The following BCL2L1 variants were observed in gnomAD, a reference collection of about 807,000 sequenced individuals.
The protein encoded by BCL2L1 is BCL2 like 1.
BCL2L1 carries 1 observed loss-of-function variant against 18.7 expected under a neutral mutation model. The observed-to-expected ratio is 0.05, with a 90% confidence interval of 0.02 to 0.25. BCL2L1 has a LOEUF of 0.25. Among genes scored for constraint, BCL2L1 ranks in the 10% least tolerant of loss-of-function variants. BCL2L1 has a pLI of 1.00. For synonymous variants in BCL2L1, 103 were observed against 122.7 expected (o/e 0.84, Z 1.06); for missense variants, 207 against 304.9 (o/e 0.68, Z 2.39).
intron 2 of BCL2L1, among the ~76,000 whole-genome samples, chr20:31,701,021 G>T (rs1003884214): frequency 1.3e-5 from 2 of 152,160 alleles, no homozygotes; most frequent in Admixed American, 6.6e-5. Flanking sequence ...ACTATTAGGT[G>T]CAGTCTGGGA....
intron 2 of BCL2L1, among the ~76,000 whole-genome samples, chr20:31,689,742 G>A (rs1212915695): frequency 2.0e-5 from 3 of 152,240 alleles, no homozygotes; most frequent in Admixed American, 6.5e-5. Flanking sequence ...TCTGCCAGGC[G>A]CGGTGGCGCA....
intron 2 of BCL2L1, among the ~76,000 whole-genome samples, chr20:31,667,484 CGTGTGT>C (rs3073682): frequency 1.5e-5 from 2 of 135,260 alleles, no homozygotes; most frequent in Non-Finnish European, 3.1e-5. Context: ...ACCATAGTAC[CGTGTGT>C]GTGTGTGTGT....
chr20:31,681,463 C>CA (rs2060859621), intron 2 of BCL2L1, among the ~76,000 whole-genome samples: 1 of 152,108 alleles, frequency 6.6e-6, no homozygotes, highest in African/African-American at 2.4e-5. Flanking sequence ...GTCTGGGCAA[C>CA]ATGGGAAAAT....
At chr20:31,723,212 T>C (rs962076131), upstream of BCL2L1, 53 of 911,250 alleles carry the variant, frequency 5.8e-5, no homozygotes, top group Admixed American at 1.2e-3. Context: ...CAAATGCCGC[T>C]GGTTTGCTCT....
chr20:31,679,011 A>T (rs915940247), intron 2 of BCL2L1, among the ~76,000 whole-genome samples: 1 of 152,192 alleles, frequency 6.6e-6, no homozygotes, highest in Non-Finnish European at 1.5e-5. Flanking sequence ...GAACTGGGAA[A>T]CAAAACCCAC....
intron 2 of BCL2L1, among the ~76,000 whole-genome samples, chr20:31,694,715 T>G (rs1258282866): frequency 6.6e-6 from 1 of 152,138 alleles, no homozygotes; most frequent in African/African-American, 2.4e-5. Context: ...AGCACCCAAC[T>G]GCCTATCATC....
chr20:31,713,096 G>A (rs1469357755), intron 2 of BCL2L1, among the ~76,000 whole-genome samples: 6 of 152,132 alleles, frequency 3.9e-5, no homozygotes, highest in Admixed American at 1.3e-4. Flanking sequence ...CAGGGTTAAT[G>A]GATGACACAG....
At chr20:31,673,445 A>G (rs2060706164) in intron 2 of BCL2L1, among the ~76,000 whole-genome samples, 1 of 151,450 alleles carries the variant, frequency 6.6e-6, no homozygotes, top group Non-Finnish European at 1.5e-5. Context: ...GGAGTCTGAG[A>G]CCAGCCTGGG....
At chr20:31,711,151 G>A (rs1017951217) in intron 2 of BCL2L1, among the ~76,000 whole-genome samples, 1 of 152,204 alleles carries the variant, frequency 6.6e-6, no homozygotes, top group African/African-American at 2.4e-5. Flanking sequence ...ACCTGGCACA[G>A]AGCAAGTAAC....
intron 2 of BCL2L1, chr20:31,713,604 T>C (rs2061484533): frequency 1.0e-6 from 1 of 985,054 alleles, no homozygotes; most frequent in Admixed American, 6.2e-5. Flanking sequence ...CCCGAGAGTC[T>C]CATCAGGGAT....
At chr20:31,705,176 G>A (rs2061352288) in intron 2 of BCL2L1, among the ~76,000 whole-genome samples, 1 of 152,012 alleles carries the variant, frequency 6.6e-6, no homozygotes, top group Non-Finnish European at 1.5e-5. Flanking sequence ...CTTCTCTATA[G>A]GAATAATAAG....
chr20:31,697,442 CTT>C (rs781576582), intron 2 of BCL2L1, among the ~76,000 whole-genome samples: 18 of 142,596 alleles, frequency 1.3e-4, no homozygotes, highest in Admixed American at 1.4e-4. Context: ...AGGTGACTTT[CTT>C]TTTTTTTTTT....
intron 2 of BCL2L1, among the ~76,000 whole-genome samples, chr20:31,681,983 A>G (rs1459133881): frequency 6.6e-6 from 1 of 152,214 alleles, no homozygotes; most frequent in Non-Finnish European, 1.5e-5. Context: ...CTTTCAGCAC[A>G]CACATTACCG....
intron 2 of BCL2L1, among the ~76,000 whole-genome samples, chr20:31,669,235 T>C (rs541600793): frequency 2.6e-4 from 39 of 151,482 alleles, no homozygotes; most frequent in Non-Finnish European, 4.7e-4. Flanking sequence ...TATTTCTAAA[T>C]TTTTTGTAGA....
In BCL2L1 at chr20:31,720,643, G is replaced by T. The variant is rs2061608288; in HGVS notation, c.564+1012C>A. On this transcript the variant is annotated intron_variant, in intron 2 of 2. Coordinates refer to ENST00000307677, the MANE Select transcript of BCL2L1 (RefSeq NM_138578.3). Reference sequence around the variant, plus strand: ...GTCACTGTGCTCACATTATCGCCAAGATTTACAATACACTGTAAGGCAAGG... The same window carrying T: ...GTCACTGTGCTCACATTATCGCCAATATTTACAATACACTGTAAGGCAAGG... The T allele has an allele frequency of 6.1e-6, 6 of 983,254 alleles. No individual in the cohort carries two copies. The Admixed American group carries it at 1.8e-4, about 30-fold the overall frequency. 60.9% of individuals were successfully genotyped at this position (983,254 alleles called of 1,614,324 possible).
chr20:31,673,852 G>A (rs952153295), intron 2 of BCL2L1, among the ~76,000 whole-genome samples: 12 of 152,148 alleles, frequency 7.9e-5, no homozygotes, highest in African/African-American at 2.9e-4. Context: ...CCACTTGACT[G>A]TGTGTGGCTC....
At chr20:31,703,493 GT>G (rs34123351) in intron 2 of BCL2L1, among the ~76,000 whole-genome samples, 37,925 of 133,596 alleles carry the variant, frequency 0.28, 6,299 homozygotes, top group African/African-American at 0.51. Context: ...CTTGGTGGTT[GT>G]TTTTTTTTTT....
chr20:31,704,207 G>A (rs1332354600), intron 2 of BCL2L1, among the ~76,000 whole-genome samples: 1 of 150,634 alleles, frequency 6.6e-6, no homozygotes, highest in Non-Finnish European at 1.5e-5. Context: ...AGGTTCAAGC[G>A]ATTCTTCTGC....
intron 2 of BCL2L1, among the ~76,000 whole-genome samples, chr20:31,684,096 C>T (rs755265770): frequency 2.6e-5 from 4 of 152,064 alleles, no homozygotes; most frequent in Admixed American, 6.6e-5. Context: ...GCCAGCTGAC[C>T]GGAAGCCAGT....
Sources: allele counts gnomAD v4.1 joint callset (sites outside exome capture counted in the v4.1 genomes callset), GRCh38; gene constraint gnomAD v4.1.1; transcripts MANE v1.5; gene names NCBI Gene and HGNC (gene_info 2026-07-23, HGNC 2026-07-21).